The following IMPG1 variants were observed in gnomAD, a reference collection of about 807,000 sequenced individuals.
The protein encoded by IMPG1 is interphotoreceptor matrix proteoglycan 1.
A neutral mutation model predicts 92.0 loss-of-function variants in IMPG1; 85 were observed. The ratio of observed to expected loss-of-function variants is 0.92; its 90% CI spans 0.78 to 1.11. The LOEUF (loss-of-function observed/expected upper bound fraction) is 1.11, where lower values mean the gene tolerates loss of function less well. IMPG1 is among the 50% of genes least tolerant of loss of function. The probability of loss-of-function intolerance (pLI) is 0.00; values close to 1 mark genes in which losing one functional copy is unlikely to be tolerated. For missense variants in IMPG1, 1,022 were observed against 956.0 expected, an observed-to-expected ratio of 1.07 and a Z score of -0.91; for synonymous variants, 367 against 334.1, an observed-to-expected ratio of 1.10 and a Z score of -1.08.
At chr6:76,055,535 A>G (rs1784106807) in intron 1 of IMPG1, among the ~76,000 whole-genome samples, 1 of 106,380 alleles carries the variant, frequency 9.4e-6, no homozygotes, top group Non-Finnish European at 2.4e-5. Context: ...AGAAAATTAG[A>G]AAAAACAAAG....
rs1464550392 is a variant in IMPG1, at chr6:75,970,910, C to T, written c.1292-19816G>A. Among the ~76,000 whole-genome samples the T allele has an allele frequency of 3.3e-5, 5 of 152,220 alleles. No individual in the cohort carries two copies. The East Asian group carries it at 5.8e-4, about 18-fold the overall frequency. ...TCAACCATTGTGGAAGTCAGTGTGGCGATTCCTCAGGGATCTAGAACTAGA... is the reference window on the plus strand; with the variant it reads ...TCAACCATTGTGGAAGTCAGTGTGGTGATTCCTCAGGGATCTAGAACTAGA... On this transcript the variant is annotated intron_variant, in intron 12 of 16. Transcript: ENST00000369950.
chr6:75,962,550 G>GA (rs1446836174), intron 12 of IMPG1, among the ~76,000 whole-genome samples: 2 of 152,118 alleles, frequency 1.3e-5, no homozygotes, highest in Non-Finnish European at 2.9e-5. Context: ...AGGGAGAAGG[G>GA]ATCAAGGAAT....
At chr6:76,062,054 G>C (rs941187026) in intron 1 of IMPG1, among the ~76,000 whole-genome samples, 1 of 152,088 alleles carries the variant, frequency 6.6e-6, no homozygotes, top group Non-Finnish European at 1.5e-5. Context: ...TCTGTATCTA[G>C]CACAGTATTG....
At position 75,924,595 on chromosome 6, in the gene IMPG1, A is replaced by ATATAATTAATATAATTATATAT. The variant is rs1562334851; in HGVS notation, c.2244-890_2244-889insATATATAATTATATTAATTATA. The stretch of plus-strand genomic sequence containing the variant: ...TATATAATTAATATAATTATATATT[A>ATATAATTAATATAATTATATAT]TATATAATTAATTATATATAATATA... On this transcript the variant is annotated intron_variant, in intron 15 of 16. Transcript: ENST00000369950. Among the ~76,000 whole-genome samples, 20 of 21,168 alleles carry ATATAATTAATATAATTATATAT rather than the reference A, an allele frequency of 9.4e-4. 4 individuals carry two copies. Among genetic ancestry groups the ATATAATTAATATAATTATATAT allele is most frequent in the Admixed American group, 6.7e-3 (6 of 892 alleles). The allele number at this position is 21,168 out of a possible 152,430, so 13.9% of individuals were successfully genotyped here.
At position 76,072,620 on chromosome 6, in the gene IMPG1, C is replaced by A; in HGVS notation, c.-132G>T. 3.5e-6 allele frequency: 2 copies of A among 566,444 alleles called. No individual in the cohort carries two copies. The highest frequency in any genetic ancestry group is 3.6e-5 in the Admixed American group (1 of 28,060). 35.1% of individuals were successfully genotyped at this position (566,444 alleles called of 1,614,324 possible). ...ATTGAGGATAACCTTCTTGGTTTAC[C>A]TTTATGAGGGTGTTAATTTATGAAG... On this transcript the variant is annotated 5_prime_UTR_variant, in exon 1 of 17. The change creates a new upstream start codon in the 5' untranslated region. Transcript: ENST00000369950.
chr6:76,003,051 G>A (rs1783027616), intron 11 of IMPG1, 55 bp from the exon 12 acceptor site: 3 of 1,267,724 alleles, frequency 2.4e-6, no homozygotes, highest in Non-Finnish European at 3.5e-6. Flanking sequence ...GTATGTATAT[G>A]AGAAGGGCTA....
chr6:76,067,194 G>A (rs1277287508), intron 1 of IMPG1, among the ~76,000 whole-genome samples: 2 of 150,132 alleles, frequency 1.3e-5, no homozygotes, highest in Non-Finnish European at 3.0e-5. Context: ...CATCAAAGGA[G>A]AACTAAATGA....
intron 12 of IMPG1, 100 bp downstream of exon 12, chr6:76,002,818 T>C: frequency 1.1e-6 from 1 of 896,988 alleles, no homozygotes. Context: ...TTTTCCTGGG[T>C]TCGGGATGGC....
chr6:76,071,955 G>T (rs1784409135), intron 1 of IMPG1, among the ~76,000 whole-genome samples: 1 of 152,074 alleles, frequency 6.6e-6, no homozygotes, highest in Non-Finnish European at 1.5e-5. Context: ...TGAAGATGAA[G>T]AATGTTTGCT....
intron 12 of IMPG1, among the ~76,000 whole-genome samples, chr6:75,969,929 G>T (rs926768312): frequency 6.6e-6 from 1 of 151,712 alleles, no homozygotes; most frequent in Non-Finnish European, 1.5e-5. Context: ...ACTAAAACTG[G>T]TAATAAATTT....
At chr6:76,007,851 G>T (rs368918219) in intron 8 of IMPG1, among the ~76,000 whole-genome samples, 3 of 152,098 alleles carry the variant, frequency 2.0e-5, no homozygotes, top group Non-Finnish European at 4.4e-5. Context: ...TTACATTTTG[G>T]GGGGTACTGG....
intron 12 of IMPG1, among the ~76,000 whole-genome samples, chr6:76,000,563 T>A (rs1301721123): frequency 1.3e-5 from 2 of 152,086 alleles, no homozygotes; most frequent in Non-Finnish European, 2.9e-5. Context: ...CACTGCAGGA[T>A]ATGGAGGAGT....
intron 1 of IMPG1, among the ~76,000 whole-genome samples, chr6:76,057,507 G>A (rs1933483): frequency 0.81 from 123,796 of 152,064 alleles, 52,705 homozygotes; most frequent in Non-Finnish European, 0.94. Flanking sequence ...ACCAAAGACA[G>A]AGTATAAGCA....
intron 14 of IMPG1, among the ~76,000 whole-genome samples, chr6:75,946,242 T>C (rs980655747): frequency 6.6e-6 from 1 of 152,216 alleles, no homozygotes; most frequent in Non-Finnish European, 1.5e-5. Flanking sequence ...GTCTGTCTTT[T>C]TAAGGATCCT....
At chr6:76,059,298 C>T (rs1327752910) in intron 1 of IMPG1, among the ~76,000 whole-genome samples, 1 of 152,108 alleles carries the variant, frequency 6.6e-6, no homozygotes, top group African/African-American at 2.4e-5. Flanking sequence ...ACATAACACA[C>T]TGCTAAATAA....
chr6:76,001,848 C>T (rs1163026711), intron 12 of IMPG1, among the ~76,000 whole-genome samples: 2 of 152,174 alleles, frequency 1.3e-5, no homozygotes, highest in Non-Finnish European at 2.9e-5. Flanking sequence ...ATAACCATGT[C>T]AAGAAGTTAA....
intron 12 of IMPG1, among the ~76,000 whole-genome samples, chr6:75,958,807 A>G (rs1562348373): frequency 6.6e-6 from 1 of 151,946 alleles, no homozygotes; most frequent in Non-Finnish European, 1.5e-5. Context: ...GCTTCCTTGC[A>G]TTGGGTTAGA....
chr6:76,005,831 CTT>C (rs1783086804), intron 9 of IMPG1, among the ~76,000 whole-genome samples: 1 of 137,288 alleles, frequency 7.3e-6, no homozygotes, highest in African/African-American at 3.2e-5. Context: ...TTTTTTTTTT[CTT>C]TCTTTCTTTT....
At position 76,042,006 on chromosome 6, in the gene IMPG1, A is replaced by T; in HGVS notation, c.188T>A (p.Leu63Ter). Reference protein sequence around the residue: ...KMSTMRRIFDLAKHRTKRSAF... With the variant: ...KMSTMRRIFD ...GGATCTTTTTGTTCGATGCTTTGCC[A>T]AATCGAATATTCGTCTCATAGTTGA... The change falls in exon 2 of 17, where the codon TTG becomes TAG. Residue 63 changes from leucine to a stop codon, truncating the protein, a stop_gained. Transcript: ENST00000369950. LOFTEE classifies it high-confidence loss of function. 6.2e-7 allele frequency: 1 copy of T among 1,613,488 alleles called. No homozygotes were observed. Among genetic ancestry groups the T allele is most frequent in the East Asian group, 2.2e-5 (1 of 44,858 alleles).
Sources: gnomAD v4.1 joint callset for allele counts (sites outside exome capture counted in the v4.1 genomes callset) on GRCh38, gnomAD v4.1.1 for gene constraint, MANE v1.5 for transcripts, NCBI Gene and HGNC (gene_info 2026-07-23, HGNC 2026-07-21) for gene names.